GLYATL1: variants seen among roughly 807,000 people sequenced by gnomAD.
GLYATL1 encodes glycine-N-acyltransferase like 1, also known as glycine N-acyltransferase-like protein 1.
In GLYATL1, 15 loss-of-function variants were observed where a neutral mutation model predicts 20.0. That is an observed-to-expected ratio of 0.75 (90% CI 0.50 to 1.15). The LOEUF (loss-of-function observed/expected upper bound fraction) is 1.15, where lower values mean the gene tolerates loss of function less well. GLYATL1 is among the 50% of genes most tolerant of loss of function. The pLI is 0.00. For synonymous variants in GLYATL1, 151 were observed against 131.5 expected, an observed-to-expected ratio of 1.15 and a Z score of -1.01; for missense variants, 380 against 368.5, an observed-to-expected ratio of 1.03 and a Z score of -0.26.
At chr11:58,927,213 T>C (rs1855447282), upstream of GLYATL1, among the ~76,000 whole-genome samples, 1 of 152,254 alleles carries the variant, frequency 6.6e-6, no homozygotes, top group Non-Finnish European at 1.5e-5. Flanking sequence ...ACTGTTTTAC[T>C]TAAACTGGAT....
At chr11:58,936,026 G>A (rs1855819579), upstream of GLYATL1, among the ~76,000 whole-genome samples, 1 of 152,144 alleles carries the variant, frequency 6.6e-6, no homozygotes, top group African/African-American at 2.4e-5. Flanking sequence ...TCAGGTTTCT[G>A]GTGGTTACTG....
In GLYATL1 at chr11:58,955,663, T is replaced by A; in HGVS notation, c.545T>A (p.Val182Glu). ...AQLDVSYSGLVNDNWKRGKNE... is the reference protein window; with the variant it reads ...AQLDVSYSGLENDNWKRGKNE... ...CTGGATGTCTCTTATTCTGGGCTGGTAAATGACAACTGGAAGCGAGGGAAG... is the reference window on the plus strand; with the variant it reads ...CTGGATGTCTCTTATTCTGGGCTGGAAAATGACAACTGGAAGCGAGGGAAG... The change falls in exon 7 of 7, where the codon GTA becomes GAA. Residue 182 changes from valine (V) to glutamate (E), a missense_variant. Transcript: ENST00000532726. 2 of 1,614,152 alleles carry A rather than the reference T, an allele frequency of 1.2e-6. No homozygotes were observed. Among genetic ancestry groups the A allele is most frequent in the South Asian group, 1.1e-5 (1 of 91,076 alleles).
chr11:58,929,641 C>T (rs1157832582), intron 1 of GLYATL1, among the ~76,000 whole-genome samples: 2 of 152,162 alleles, frequency 1.3e-5, no homozygotes, highest in Admixed American at 1.3e-4. Context: ...ATATTCCCAG[C>T]TCTGTAAGAC....
upstream of GLYATL1, among the ~76,000 whole-genome samples, chr11:58,938,652 T>C (rs1172784874): frequency 1.3e-5 from 2 of 152,174 alleles, no homozygotes; most frequent in Non-Finnish European, 2.9e-5. Flanking sequence ...ACAGAGTAGA[T>C]ACATCAGAGA....
At chr11:58,941,491 C>T (rs996249214) in intron 1 of GLYATL1, among the ~76,000 whole-genome samples, 5 of 151,872 alleles carry the variant, frequency 3.3e-5, no homozygotes, top group Non-Finnish European at 5.9e-5. Context: ...TGAATAGTGC[C>T]GCAATAAACA....
chr11:58,934,217 C>T (rs1044536217), intron 1 of GLYATL1: 23 of 153,250 alleles, frequency 1.5e-4, no homozygotes, highest in Non-Finnish European at 2.2e-4. Context: ...TCTTGGTAGA[C>T]GGGGGCAGAC....
At position 58,943,272 on chromosome 11, in the gene GLYATL1, A is replaced by G. The variant is rs1443072912; in HGVS notation, c.-166-271A>G. 1.4e-5 allele frequency: 21 copies of G among 1,541,372 alleles called. No individual in the cohort carries two copies. In the Admixed American group the frequency reaches 3.3e-4, roughly 24 times the overall value. On this transcript the variant is annotated intron_variant, in intron 1 of 6. Transcript: ENST00000532726. ...CCAGTGTTGGCCAATCCCAGCAGCC[A>G]TACTTCAACTACTCATAGACTGCTG...
At chr11:58,951,559 G>A (rs1245031268) in intron 4 of GLYATL1, among the ~76,000 whole-genome samples, 1 of 152,024 alleles carries the variant, frequency 6.6e-6, no homozygotes, top group African/African-American at 2.4e-5. Flanking sequence ...TATTCGAGTT[G>A]TGATTGGTAT....
chr11:58,943,297 G>T (rs1676735626), intron 1 of GLYATL1: 11 of 1,550,050 alleles, frequency 7.1e-6, no homozygotes, highest in Non-Finnish European at 8.7e-6. Flanking sequence ...ATAGACTGCT[G>T]AATGTTCAAA....
chr11:58,940,715 G>A (rs1463156896), intron 1 of GLYATL1, among the ~76,000 whole-genome samples: 1 of 152,194 alleles, frequency 6.6e-6, no homozygotes, highest in African/African-American at 2.4e-5. Context: ...TTTGAGGTAT[G>A]AGAGTTTGGC....
intron 1 of GLYATL1, chr11:58,917,287 G>A (rs1855196860): frequency 6.6e-6 from 1 of 152,216 alleles, no homozygotes; most frequent in Non-Finnish European, 1.5e-5. Context: ...TTTGATTGCT[G>A]TGGGAATGAA....
downstream of GLYATL1, among the ~76,000 whole-genome samples, chr11:58,913,137 G>T (rs533511414): frequency 6.6e-6 from 1 of 152,210 alleles, no homozygotes; most frequent in South Asian, 2.1e-4. Flanking sequence ...CAGAGGGAGG[G>T]GTGGACAGGG....
intron 1 of GLYATL1, among the ~76,000 whole-genome samples, chr11:58,922,267 A>G (rs1427497557): frequency 1.3e-5 from 2 of 152,158 alleles, no homozygotes; most frequent in Non-Finnish European, 2.9e-5. Context: ...AGTCTGGCCC[A>G]GTTGGATGGT....
Position 58,943,659 on chromosome 11 carries a change from G to A in GLYATL1, c.-50G>A, listed in dbSNP as rs778212546. On this transcript the variant is annotated 5_prime_UTR_variant, in exon 2 of 7. Coordinates refer to ENST00000532726, the MANE Select transcript of GLYATL1 (RefSeq NM_001389712.2). ...CCATTGATCTCTCAGAGTGGCTGAG[G>A]ATAATAGGTAAGCTCCCTCTCGCAT... is the stretch of plus-strand genomic sequence containing the variant. 5.6e-6 allele frequency: 9 copies of A among 1,613,130 alleles called. No individual in the cohort carries two copies. Among genetic ancestry groups the A allele is most frequent in the Non-Finnish European group, 7.6e-6 (9 of 1,179,434 alleles).
At chr11:58,915,924 CTTG>C (rs759666143) in intron 1 of GLYATL1, among the ~76,000 whole-genome samples, 19 of 114,310 alleles carry the variant, frequency 1.7e-4, no homozygotes, top group East Asian at 3.0e-4. Flanking sequence ...GGAAACGAAA[CTTG>C]TTAAGTTGCT....
chr11:58,955,067 G>A (rs932130548), intron 5 of GLYATL1, 109 bp from the exon 6 acceptor site: 5 of 1,259,080 alleles, frequency 4.0e-6, no homozygotes, highest in African/African-American at 3.0e-5. Context: ...TGACTGTGGT[G>A]TAAACTCAAG....
intron 3 of GLYATL1, 116 bp from the exon 4 acceptor site, chr11:58,947,742 T>G: frequency 2.8e-6 from 2 of 722,520 alleles, no homozygotes; most frequent in Non-Finnish European, 5.0e-6. Flanking sequence ...CATCTCACCA[T>G]CACTGACTTG....
chr11:58,938,341 C>T (rs1392428612), upstream of GLYATL1, among the ~76,000 whole-genome samples: 1 of 152,148 alleles, frequency 6.6e-6, no homozygotes, highest in Non-Finnish European at 1.5e-5. Flanking sequence ...GATGGACCTG[C>T]AAAGTCCCAA....
intron 1 of GLYATL1, 82 bp from the exon 2 acceptor site, chr11:58,943,461 G>A: frequency 2.0e-6 from 3 of 1,532,260 alleles, no homozygotes; most frequent in Non-Finnish European, 2.6e-6. Context: ...CTGTGATTTT[G>A]TAGGCTGCCG....
Sources: gnomAD v4.1 joint callset for allele counts (sites outside exome capture counted in the v4.1 genomes callset) on GRCh38, gnomAD v4.1.1 for gene constraint, MANE v1.5 for transcripts, NCBI Gene and HGNC (gene_info 2026-07-23, HGNC 2026-07-21) for gene names.